Variants in HYDIN observed in about 807,000 individuals in gnomAD.
The protein encoded by HYDIN is HYDIN axonemal central pair apparatus protein, also known as axonemal central pair apparatus protein HYDIN.
A neutral mutation model predicts 403.9 loss-of-function variants in HYDIN; 132 were observed. The ratio of observed to expected loss-of-function variants is 0.33; its 90% CI spans 0.28 to 0.38. The LOEUF is 0.38. Among genes scored for constraint, HYDIN ranks in the 10% least tolerant of loss-of-function variants. The pLI is 1.00. For missense variants in HYDIN, 2,827 were observed against 5,009.5 expected (o/e 0.56, Z 13.15); for synonymous variants, 1,202 against 1,891.7 (o/e 0.64, Z 9.46).
intron 85 of HYDIN, among the ~76,000 whole-genome samples, chr16:70,809,022 T>A (rs1302200512): frequency 6.6e-6 from 1 of 152,200 alleles, no homozygotes; most frequent in Non-Finnish European, 1.5e-5. Flanking sequence ...AGACTGTTAT[T>A]TGTGAGAGAA....
intron 1 of HYDIN, among the ~76,000 whole-genome samples, chr16:71,201,999 T>C (rs964172068): frequency 6.6e-6 from 1 of 152,258 alleles, no homozygotes; most frequent in Non-Finnish European, 1.5e-5. Context: ...TTGTCAAATA[T>C]GCTAATTTAA....
Position 71,143,737 on chromosome 16 carries a change from A to G in HYDIN, c.842-6385T>C, listed in dbSNP as rs1265190676. ...AGATAGATATTATTTAGCATTTTCA[A>G]CTGCAAAGCAGCAACATTACAGTCA... On this transcript the variant is annotated intron_variant, in intron 7 of 85. Coordinates refer to ENST00000393567, the MANE Select transcript of HYDIN (RefSeq NM_001270974.2). Among the ~76,000 whole-genome samples the G allele has an allele frequency of 3.3e-5, 5 of 152,266 alleles. No individual in the cohort carries two copies. In the East Asian group the frequency reaches 9.6e-4, roughly 29 times the overall value.
chr16:70,978,213 G>A (rs1274374152), intron 30 of HYDIN, among the ~76,000 whole-genome samples: 2 of 150,936 alleles, frequency 1.3e-5, no homozygotes, highest in African/African-American at 4.9e-5. Context: ...GCAAGACTTA[G>A]AGGTCCCCTC....
At chr16:71,218,462 C>G (rs1336879823) in intron 1 of HYDIN, among the ~76,000 whole-genome samples, 1 of 152,160 alleles carries the variant, frequency 6.6e-6, no homozygotes, top group Non-Finnish European at 1.5e-5. Context: ...TAATTGTATA[C>G]TGGGGAGGAG....
At position 70,904,478 on chromosome 16, in the gene HYDIN, CTTTTTTTTTTTTTTTTT is replaced by C. The variant is rs76148650; in HGVS notation, c.8517-431_8517-415del. The stretch of plus-strand genomic sequence containing the variant: ...CTGAGAGAGATTATCACTTGAGTAA[CTTTTTTTTTTTTTTTTT>C]TTTTTTTTTTTTTTTTTTTTTTTTG... On this transcript the variant is annotated intron_variant, in intron 50 of 85. Coordinates refer to ENST00000393567, the MANE Select transcript of HYDIN (RefSeq NM_001270974.2). Among the ~76,000 whole-genome samples, 60 of 25,210 alleles carry C rather than the reference CTTTTTTTTTTTTTTTTT, an allele frequency of 2.4e-3. 1 individual carries two copies. In the East Asian group the frequency reaches 0.025, roughly 10 times the overall value. 16.5% of individuals were successfully genotyped at this position (25,210 alleles called of 152,430 possible). A position where few individuals can be genotyped will look rare whatever the true frequency, so the allele number is the denominator to read the frequency against.
chr16:71,125,909 G>A (rs536304550), intron 9 of HYDIN, among the ~76,000 whole-genome samples: 41 of 151,136 alleles, frequency 2.7e-4, no homozygotes, highest in Admixed American at 1.6e-3. Flanking sequence ...TCCTGCACTG[G>A]GCATTTCCAC....
chr16:70,842,420 T>C (rs1268415276), intron 75 of HYDIN, among the ~76,000 whole-genome samples: 1 of 151,458 alleles, frequency 6.6e-6, no homozygotes, highest in Non-Finnish European at 1.5e-5. Flanking sequence ...GTGATTCTTT[T>C]ATCATTATAA....
At chr16:70,899,273 A>C (rs1480703260) in intron 53 of HYDIN, among the ~76,000 whole-genome samples, 1 of 150,618 alleles carries the variant, frequency 6.6e-6, no homozygotes, top group African/African-American at 2.4e-5. Flanking sequence ...TGTGGATTTA[A>C]TTAAGTCAAA....
At chr16:70,908,056 G>C (rs2076584103) in intron 49 of HYDIN, among the ~76,000 whole-genome samples, 196 bp downstream of exon 49, 1 of 152,188 alleles carries the variant, frequency 6.6e-6, no homozygotes, top group African/African-American at 2.4e-5. Flanking sequence ...CTTTATTGCA[G>C]TCTAGGAATC....
Position 71,230,554 on chromosome 16 carries a change from C to T in HYDIN, c.-24+8G>A. On this transcript the variant is annotated splice_region_variant and intron_variant, in intron 1 of 85. Coordinates refer to ENST00000393567, the MANE Select transcript of HYDIN (RefSeq NM_001270974.2). ...TTTGACCCCACAATCTCTGCGAGGA[C>T]CTCTGACCTTGGTGCACTCCGGGTC... The T allele has an allele frequency of 6.5e-7, 1 of 1,532,686 alleles. No homozygotes were observed. The highest frequency in any genetic ancestry group is 1.2e-5 in the South Asian group (1 of 83,662). 94.9% of individuals were successfully genotyped at this position (1,532,686 alleles called of 1,614,324 possible).
rs763409922 is a variant in HYDIN at position 70,895,962 on chromosome 16, C to G, written c.9148+19G>C. 9 of 1,589,378 alleles carry G rather than the reference C, an allele frequency of 5.7e-6. No individual in the cohort carries two copies. The highest frequency in any genetic ancestry group is 3.5e-5 in the Admixed American group (2 of 56,648). On this transcript the variant is annotated intron_variant, in intron 54 of 85. Transcript: ENST00000393567. ...AGACCCAACTTCCAAACATCCTGTCCTTGAAGGGCCCAACAGACCTTTGGG... is the reference window on the plus strand; with the variant it reads ...AGACCCAACTTCCAAACATCCTGTCGTTGAAGGGCCCAACAGACCTTTGGG...
chr16:71,078,370 T>C (rs1401333024), intron 13 of HYDIN, among the ~76,000 whole-genome samples: 5 of 152,182 alleles, frequency 3.3e-5, no homozygotes, highest in Admixed American at 1.3e-4. Flanking sequence ...AACGTATGTT[T>C]TCCCCCAACT....
chr16:71,093,856 A>C lies in HYDIN; in HGVS notation c.1407T>G (p.Asp469Glu), dbSNP rs759921724. The C allele has an allele frequency of 5.0e-6, 8 of 1,613,746 alleles. No homozygotes were observed. The South Asian group carries it at 8.8e-5, about 18-fold the overall frequency. The part of the protein sequence containing the change: ...PKIHFNFELL[D>E]IGKVFTGSAH... ...CAGATCCAGTGAAAACTTTCCCAATATCCAGCAATTCAAAGTTGAAGTGAA... is the reference window on the plus strand; with the variant it reads ...CAGATCCAGTGAAAACTTTCCCAATCTCCAGCAATTCAAAGTTGAAGTGAA... The change falls in exon 11 of 86, where the codon GAT becomes GAG. Residue 469 changes from aspartate (D) to glutamate (E), a missense_variant. Physicochemically the swap from Asp to Glu is conservative, Grantham distance 45. Transcript: ENST00000393567.
chr16:71,094,145 T>C (rs565038715), intron 10 of HYDIN, among the ~76,000 whole-genome samples: 5 of 152,210 alleles, frequency 3.3e-5, no homozygotes, highest in Admixed American at 2.0e-4. Context: ...ACTGGCGAAA[T>C]TGTGAAAAAC....
At chr16:71,150,217 AG>A (rs2085485869) in intron 7 of HYDIN, among the ~76,000 whole-genome samples, 1 of 151,774 alleles carries the variant, frequency 6.6e-6, no homozygotes, top group Non-Finnish European at 1.5e-5. Flanking sequence ...AAAATAAAAG[AG>A]GGGAGAGCAG....
At chr16:71,102,496 T>A (rs959060201) in intron 10 of HYDIN, among the ~76,000 whole-genome samples, 4 of 151,870 alleles carry the variant, frequency 2.6e-5, no homozygotes, top group African/African-American at 9.7e-5. Flanking sequence ...TAATATGATG[T>A]AAGTTGTTTT....
At chr16:70,954,452 CAAA>C (rs56235375) in intron 40 of HYDIN, among the ~76,000 whole-genome samples, 11 of 65,810 alleles carry the variant, frequency 1.7e-4, no homozygotes, top group Admixed American at 5.5e-4. Context: ...TACCTTGTCT[CAAA>C]AAAAAAAAAA....
chr16:70,982,530 T>C (rs2079077204), intron 28 of HYDIN, among the ~76,000 whole-genome samples: 1 of 125,142 alleles, frequency 8.0e-6, no homozygotes, highest in Non-Finnish European at 1.6e-5. Flanking sequence ...TTAACAAAGG[T>C]GCAAAAATTG....
At chr16:71,071,372 T>C (rs1227186547) in intron 13 of HYDIN, among the ~76,000 whole-genome samples, 1 of 151,882 alleles carries the variant, frequency 6.6e-6, no homozygotes, top group Non-Finnish European at 1.5e-5. Flanking sequence ...ATAAGAATGT[T>C]ACTCCTAGGT....
Sources: gnomAD v4.1 joint callset for allele counts (sites outside exome capture counted in the v4.1 genomes callset) on GRCh38, gnomAD v4.1.1 for gene constraint, MANE v1.5 for transcripts, NCBI Gene and HGNC (gene_info 2026-07-23, HGNC 2026-07-21) for gene names.